The following EXOC4 variants were observed in gnomAD, a reference collection of about 807,000 sequenced individuals.
EXOC4 encodes exocyst complex component 4.
In EXOC4, 71 loss-of-function variants were observed where a neutral mutation model predicts 107.2. The ratio of observed to expected loss-of-function variants is 0.66; its 90% CI spans 0.55 to 0.81. The LOEUF is 0.81. EXOC4 is among the 30% of genes least tolerant of loss of function. EXOC4 has a pLI of 0.00. For missense variants in EXOC4, 1,108 were observed against 1,189.6 expected (o/e 0.93, Z 1.01); for synonymous variants, 456 against 441.2 (o/e 1.03, Z -0.42).
intron 7 of EXOC4, among the ~76,000 whole-genome samples, chr7:133,459,889 C>T (rs1458371558): frequency 6.6e-6 from 1 of 152,002 alleles, no homozygotes; most frequent in Admixed American, 6.6e-5. Context: ...TATTTCTGTC[C>T]TCTTTGAAAT....
chr7:133,778,090 A>G (rs1037012228), intron 10 of EXOC4, among the ~76,000 whole-genome samples: 7 of 152,208 alleles, frequency 4.6e-5, no homozygotes, highest in African/African-American at 9.7e-5. Context: ...TCCCAAGAAT[A>G]TTTACATTTT....
At chr7:133,585,002 A>C (rs1432165557) in intron 9 of EXOC4, among the ~76,000 whole-genome samples, 1 of 152,168 alleles carries the variant, frequency 6.6e-6, no homozygotes, top group Non-Finnish European at 1.5e-5. Context: ...GGCTCTTTGG[A>C]GTCTCTCCCT....
chr7:133,869,649 G>T (rs1490072210), intron 11 of EXOC4, among the ~76,000 whole-genome samples: 1 of 152,158 alleles, frequency 6.6e-6, no homozygotes, highest in African/African-American at 2.4e-5. Flanking sequence ...TTTGTATCCA[G>T]CTGTACCACA....
At chr7:133,255,033 A>G (rs1434942678) in intron 1 of EXOC4, among the ~76,000 whole-genome samples, 3 of 151,874 alleles carry the variant, frequency 2.0e-5, no homozygotes, top group African/African-American at 7.3e-5. Flanking sequence ...GGAACCCCCT[A>G]CTGCTTGATG....
intron 9 of EXOC4, among the ~76,000 whole-genome samples, chr7:133,618,589 C>T (rs937985480): frequency 3.3e-5 from 5 of 151,892 alleles, no homozygotes; most frequent in African/African-American, 1.2e-4. Context: ...GGTGGGTGGT[C>T]GACATTGAAT....
rs149104827 is a variant in EXOC4, at chr7:133,727,029, A to G, written c.1515-90296A>G. Among the ~76,000 whole-genome samples, 360 of 152,352 alleles carry G rather than the reference A, an allele frequency of 2.4e-3. 5 individuals are homozygous for G. Among genetic ancestry groups the G allele is most frequent in the African/African-American group, 8.1e-3 (336 of 41,580 alleles). ...ATAAGGCGTCATGGAATTAGTTGAG[A>G]TAGTTCCATTAAATTTATTCAAATA... On this transcript the variant is annotated intron_variant, in intron 10 of 17. Coordinates refer to ENST00000253861, the MANE Select transcript of EXOC4 (RefSeq NM_021807.4).
At chr7:134,050,558 A>G (rs1795760260) in intron 17 of EXOC4, among the ~76,000 whole-genome samples, 1 of 152,216 alleles carries the variant, frequency 6.6e-6, no homozygotes, top group Non-Finnish European at 1.5e-5. Flanking sequence ...TAAGTGACAG[A>G]GAAGAAATAA....
At chr7:133,988,240 T>C (rs2116217421) in intron 14 of EXOC4, among the ~76,000 whole-genome samples, 1 of 152,302 alleles carries the variant, frequency 6.6e-6, no homozygotes, top group Admixed American at 6.5e-5. Flanking sequence ...CTTTAAACTA[T>C]ATTTCTGTTA....
At chr7:133,423,314 G>A (rs1797646484) in intron 7 of EXOC4, among the ~76,000 whole-genome samples, 1 of 152,190 alleles carries the variant, frequency 6.6e-6, no homozygotes, top group South Asian at 2.1e-4. Flanking sequence ...TTCTTCTAGA[G>A]ATTAATTCTA....
At chr7:133,777,282 AGAGAGAGAG>A (rs1796364752) in intron 10 of EXOC4, among the ~76,000 whole-genome samples, 1 of 384 alleles carries the variant, frequency 2.6e-3, no homozygotes, top group Admixed American at 0.033. Flanking sequence ...AGAGAGAAAG[AGAGAGAGAG>A]AGAGAGAGAG....
chr7:133,555,955 G>T (rs1045456145), intron 9 of EXOC4, among the ~76,000 whole-genome samples: 1 of 152,136 alleles, frequency 6.6e-6, no homozygotes, highest in African/African-American at 2.4e-5. Flanking sequence ...CTTTAGTTAA[G>T]TTGTTGCAGT....
chr7:134,038,122 C>T (rs1795433802), intron 17 of EXOC4, among the ~76,000 whole-genome samples: 2 of 152,230 alleles, frequency 1.3e-5, no homozygotes, highest in South Asian at 4.1e-4. Context: ...GTCTGAGAAG[C>T]ATGGGCTAAG....
At chr7:133,337,141 T>G (rs947690403) in intron 5 of EXOC4, among the ~76,000 whole-genome samples, 4 of 152,232 alleles carry the variant, frequency 2.6e-5, no homozygotes, top group African/African-American at 9.6e-5. Context: ...TATTGTTTTG[T>G]CAATGTTGTG....
intron 10 of EXOC4, among the ~76,000 whole-genome samples, chr7:133,735,373 A>G (rs879384417): frequency 1.3e-5 from 2 of 151,246 alleles, no homozygotes; most frequent in Non-Finnish European, 2.9e-5. Flanking sequence ...ATCTTAGCAT[A>G]TTGTTTATAA....
chr7:133,400,486 T>C (rs1305501554), intron 7 of EXOC4, among the ~76,000 whole-genome samples: 1 of 152,238 alleles, frequency 6.6e-6, no homozygotes, highest in Non-Finnish European at 1.5e-5. Flanking sequence ...AGTCACCTGA[T>C]TGACCAAAGA....
intron 17 of EXOC4, among the ~76,000 whole-genome samples, chr7:134,013,021 T>A (rs932843602): frequency 3.3e-5 from 5 of 152,238 alleles, no homozygotes; most frequent in African/African-American, 1.2e-4. Flanking sequence ...TTCCTTTATC[T>A]TTCATACACA....
intron 10 of EXOC4, among the ~76,000 whole-genome samples, chr7:133,739,222 T>TTGTGTGTG (rs72444310): frequency 0.025 from 3,537 of 142,366 alleles, 71 homozygotes; most frequent in South Asian, 0.065. Flanking sequence ...GTAGAGGGGT[T>TTGTGTGTG]TGTGTGTGTG....
chr7:133,584,107 T>A (rs573191876), intron 9 of EXOC4, among the ~76,000 whole-genome samples: 2 of 152,210 alleles, frequency 1.3e-5, no homozygotes, highest in African/African-American at 2.4e-5. Context: ...GAGCTCAGAT[T>A]TGGATTTGAA....
Position 133,442,362 on chromosome 7 carries a change from A to T in EXOC4, c.1183-32966A>T, listed in dbSNP as rs146030085. Among the ~76,000 whole-genome samples, 320 of 152,336 alleles carry T rather than the reference A, an allele frequency of 2.1e-3. 2 individuals are homozygous for T. Among genetic ancestry groups the T allele is most frequent in the African/African-American group, 7.6e-3 (314 of 41,576 alleles). On this transcript the variant is annotated intron_variant, in intron 7 of 17. Transcript: ENST00000253861. ...GATGAATTACAGAATGATTGGTGGG[A>T]TAATTTATTCATTTATTAAACATTT... is the stretch of plus-strand genomic sequence containing the variant.
Sources: allele counts gnomAD v4.1 joint callset (sites outside exome capture counted in the v4.1 genomes callset), GRCh38; gene constraint gnomAD v4.1.1; transcripts MANE v1.5; gene names NCBI Gene and HGNC (gene_info 2026-07-23, HGNC 2026-07-21).